TDP1: variants seen among roughly 807,000 people sequenced by gnomAD.
TDP1 encodes the protein tyrosyl-DNA phosphodiesterase 1, also known as tyr-DNA phosphodiesterase 1.
TDP1 carries 64 observed loss-of-function variants against 81.5 expected under a neutral mutation model. That is an observed-to-expected ratio of 0.79 (90% confidence interval 0.64 to 0.97). The LOEUF (loss-of-function observed/expected upper bound fraction) is 0.97, where lower values mean the gene tolerates loss of function less well. Ranked by LOEUF, TDP1 falls within the 50% of genes least tolerant of loss-of-function variation. The pLI is 0.00. For synonymous variants in TDP1, 256 were observed against 264.3 expected (o/e 0.97, Z 0.30); for missense variants, 723 against 743.8 (o/e 0.97, Z 0.33).
In TDP1 at chr14:90,033,038, C is replaced by T. The variant is rs1887460163; in HGVS notation, c.1645-68C>T. 5 of 1,215,196 alleles carry T rather than the reference C, an allele frequency of 4.1e-6. No homozygotes were observed. In the East Asian group the frequency reaches 1.2e-4, roughly 28 times the overall value. 75.3% of individuals were successfully genotyped at this position (1,215,196 alleles called of 1,614,324 possible). On this transcript the variant is annotated intron_variant, in intron 15 of 16. Transcript: ENST00000335725. ...ATAAAGATATTATTGCTTCTTGAGGCCTTCTGGTTTTTTTTTTTAAACCCA... is the reference window on the plus strand; with the variant it reads ...ATAAAGATATTATTGCTTCTTGAGGTCTTCTGGTTTTTTTTTTTAAACCCA...
chr14:89,996,969 ATAGAG>A (rs925332518), intron 14 of TDP1, among the ~76,000 whole-genome samples: 1 of 152,258 alleles, frequency 6.6e-6, no homozygotes, highest in Non-Finnish European at 1.5e-5. Flanking sequence ...TGTGGCAAGA[ATAGAG>A]TAATTAAGAT....
intron 15 of TDP1, 30 bp downstream of exon 15, chr14:90,019,448 G>A (rs773178465): frequency 3.4e-6 from 4 of 1,177,690 alleles, no homozygotes; most frequent in Non-Finnish European, 3.8e-6. Context: ...TGCACAGTGG[G>A]TCACATGGGA....
chr14:90,017,974 G>A (rs1249703888), intron 14 of TDP1, among the ~76,000 whole-genome samples: 1 of 151,980 alleles, frequency 6.6e-6, no homozygotes, highest in Non-Finnish European at 1.5e-5. Flanking sequence ...TGTAAATAAT[G>A]CTCTATTTGC....
chr14:89,987,350 A>G (rs1362613710), intron 10 of TDP1, among the ~76,000 whole-genome samples: 1 of 152,234 alleles, frequency 6.6e-6, no homozygotes, highest in African/African-American at 2.4e-5. Context: ...AGATGTATAA[A>G]GAAAGTGACT....
In TDP1 at chr14:89,975,882, T is replaced by C. The variant is rs111634011; in HGVS notation, c.791+67T>C. On this transcript the variant is annotated intron_variant, in intron 7 of 16. Coordinates refer to ENST00000335725, the MANE Select transcript of TDP1 (RefSeq NM_018319.4). ...TCATTTGTCCATTACACGGTTATTC[T>C]TAGGAGAGACTGAGCATGGTAGGCC... 563 of 1,337,050 alleles carry C rather than the reference T, an allele frequency of 4.2e-4. 3 individuals are homozygous for C. In the African/African-American group the frequency reaches 7.2e-3, roughly 17 times the overall value. 82.8% of individuals were successfully genotyped at this position (1,337,050 alleles called of 1,614,324 possible). A position where few individuals can be genotyped will look rare whatever the true frequency, so the allele number is the denominator to read the frequency against.
chr14:90,036,119 G>T (rs943181972), intron 16 of TDP1, among the ~76,000 whole-genome samples: 1 of 152,090 alleles, frequency 6.6e-6, no homozygotes, highest in Non-Finnish European at 1.5e-5. Flanking sequence ...TCTTTTGAAA[G>T]ATACATATAA....
intron 14 of TDP1, among the ~76,000 whole-genome samples, chr14:90,002,942 T>A (rs1318534784): frequency 6.6e-6 from 1 of 151,770 alleles, no homozygotes; most frequent in Admixed American, 6.6e-5. Flanking sequence ...TTTATTTTAT[T>A]TATTTATTTT....
At chr14:90,020,309 G>A (rs75313004) in intron 15 of TDP1, among the ~76,000 whole-genome samples, 8 of 151,542 alleles carry the variant, frequency 5.3e-5, no homozygotes, top group Middle Eastern at 3.4e-3. Flanking sequence ...ATACAGAATC[G>A]CCCACACAAT....
intron 14 of TDP1, among the ~76,000 whole-genome samples, chr14:89,995,095 T>C (rs1286908126): frequency 6.6e-6 from 1 of 152,256 alleles, no homozygotes; most frequent in African/African-American, 2.4e-5. Flanking sequence ...AAGTTTATTG[T>C]AAGAATTTGA....
chr14:90,026,423 C>T (rs905889046), intron 15 of TDP1, among the ~76,000 whole-genome samples: 2 of 152,242 alleles, frequency 1.3e-5, no homozygotes, highest in African/African-American at 4.8e-5. Flanking sequence ...TCTCACCTGT[C>T]CACATCCTAT....
intron 7 of TDP1, among the ~76,000 whole-genome samples, chr14:89,977,903 T>C (rs890866628): frequency 3.3e-5 from 5 of 151,910 alleles, no homozygotes; most frequent in African/African-American, 1.2e-4. Context: ...TCTCACAGTG[T>C]TTTAGAATGG....
At chr14:89,993,333 A>G (rs777833609) in intron 13 of TDP1, 43 bp from the exon 14 acceptor site, 2 of 1,522,286 alleles carry the variant, frequency 1.3e-6, no homozygotes, top group East Asian at 2.3e-5. Context: ...ATTATGATCA[A>G]TTTTATTTCA....
chr14:89,956,173 C>T (rs1467539494), intron 1 of TDP1: 48 of 152,444 alleles, frequency 3.1e-4, no homozygotes, highest in Admixed American at 3.1e-3. Flanking sequence ...CCTCCGATCA[C>T]AGCGCCTCAG....
intron 2 of TDP1, among the ~76,000 whole-genome samples, chr14:89,961,457 G>A (rs1248568400): frequency 6.6e-6 from 1 of 152,190 alleles, no homozygotes; most frequent in Non-Finnish European, 1.5e-5. Context: ...AGAACCTTGT[G>A]GAAGGTAGAA....
At chr14:90,037,606 A>G (rs921630364) in intron 16 of TDP1, among the ~76,000 whole-genome samples, 2 of 152,214 alleles carry the variant, frequency 1.3e-5, no homozygotes, top group Non-Finnish European at 2.9e-5. Context: ...AAGTTCCTGA[A>G]TGTCAATATT....
intron 12 of TDP1, chr14:89,991,637 T>C (rs1388582229): frequency 1.3e-5 from 13 of 985,124 alleles, no homozygotes; most frequent in Non-Finnish European, 1.6e-5. Context: ...ATCCCATGAC[T>C]ATACTTCGTA....
chr14:90,003,520 TGTG>T (rs2140186036), intron 14 of TDP1, among the ~76,000 whole-genome samples: 1 of 152,334 alleles, frequency 6.6e-6, no homozygotes, highest in Admixed American at 6.5e-5. Flanking sequence ...TGATGACAAA[TGTG>T]GTATTTAAAT....
Position 89,984,559 on chromosome 14 carries a change from CA to C in TDP1, c.929del (p.His310ProfsTer18). 6.2e-7 allele frequency: 1 copy of C among 1,614,076 alleles called. No homozygotes were observed. The part of the protein sequence containing the change: ...PLYPRIADGT[H>X]KSGESPTHFK... ...ATACCCACGAATTGCTGATGGAACC[CA>C]CAAATCTGGAGAGTCGCCAACACAT... On this transcript the variant is annotated frameshift_variant, in exon 9 of 17. Coordinates refer to ENST00000335725, the MANE Select transcript of TDP1 (RefSeq NM_018319.4). LOFTEE classifies it high-confidence loss of function.
In TDP1 at chr14:89,971,252, A is replaced by C; in HGVS notation, c.737A>C (p.Glu246Ala). The change falls in exon 6 of 17, where the codon GAG (glutamate) becomes GCG (alanine). Residue 246 changes from glutamate (E) to alanine (A), a missense_variant. Glu to Ala is a moderately radical substitution (Grantham distance 107, BLOSUM62 -1). Coordinates refer to ENST00000335725, the MANE Select transcript of TDP1 (RefSeq NM_018319.4). The part of the protein sequence containing the change: ...AHLHAQAKPY[E>A]NISLCQAKLD... ...CTCCATGCCCAGGCCAAGCCTTACG[A>C]GAACATCTCTCTCTGCCAGGTAAGC... The C allele has an allele frequency of 1.2e-6, 2 of 1,614,084 alleles. No homozygotes were observed. The highest frequency in any genetic ancestry group is 8.5e-7 in the Non-Finnish European group (1 of 1,179,926).
Sources: allele counts gnomAD v4.1 joint callset (sites outside exome capture counted in the v4.1 genomes callset), GRCh38; gene constraint gnomAD v4.1.1; transcripts MANE v1.5; gene names NCBI Gene and HGNC (gene_info 2026-07-23, HGNC 2026-07-21).